DST: variants seen among roughly 807,000 people sequenced by gnomAD.
DST encodes the protein dystonin.
Under a neutral mutation model 875.2 loss-of-function variants are expected in DST, and 253 were observed. The observed-to-expected ratio is 0.29, with a 90% CI of 0.26 to 0.32. DST has a LOEUF of 0.32. Among genes scored for constraint, DST ranks in the 10% least tolerant of loss-of-function variants. DST has a pLI of 1.00. For missense variants in DST, 8,287 were observed against 9,111.6 expected, an observed-to-expected ratio of 0.91 and a Z score of 3.68; for synonymous variants, 3,124 against 3,197.1, an observed-to-expected ratio of 0.98 and a Z score of 0.77.
chr6:56,824,937 G>A (rs1040459777), intron 4 of DST, among the ~76,000 whole-genome samples: 33 of 150,262 alleles, frequency 2.2e-4, no homozygotes, highest in Admixed American at 5.9e-4. Flanking sequence ...GCCTCTGCCC[G>A]GCCGCCCCTA....
At chr6:56,588,406 C>A (rs761206745) in intron 49 of DST, among the ~76,000 whole-genome samples, 8 of 152,176 alleles carry the variant, frequency 5.3e-5, no homozygotes, top group Non-Finnish European at 7.3e-5. Context: ...AGCTGGAAAA[C>A]CTTCCCTAAG....
intron 9 of DST, among the ~76,000 whole-genome samples, chr6:56,687,102 G>T (rs4133076): frequency 0.076 from 11,519 of 152,158 alleles, 1,392 homozygotes; most frequent in African/African-American, 0.26. Context: ...CTGACTTGTG[G>T]GACACACAGT....
chr6:56,565,141 G>C (rs188699901), intron 55 of DST, among the ~76,000 whole-genome samples: 2 of 108,148 alleles, frequency 1.8e-5, no homozygotes, highest in African/African-American at 7.8e-5. Context: ...TTTTTTTTGT[G>C]ACGGAGTATT....
intron 4 of DST, among the ~76,000 whole-genome samples, chr6:56,778,952 T>A (rs1042866980): frequency 1.3e-5 from 2 of 152,050 alleles, no homozygotes; most frequent in African/African-American, 2.4e-5. Context: ...CCCTGAGGAA[T>A]CACCACACTG....
At chr6:56,619,810 A>T (rs755453612) in intron 36 of DST, 3 of 1,614,012 alleles carry the variant, frequency 1.9e-6, no homozygotes, top group Non-Finnish European at 1.7e-6. Context: ...CATCTAGTTT[A>T]TCTTTTAGCA....
chr6:56,744,151 A>G (rs1322128190), intron 4 of DST, among the ~76,000 whole-genome samples: 1 of 147,072 alleles, frequency 6.8e-6, no homozygotes, highest in South Asian at 2.1e-4. Context: ...CTCTGTCTCA[A>G]AAAAAAAAAA....
rs140396340 is a variant in DST, at chr6:56,589,051, C to T, written c.12903+3131G>A. On this transcript the variant is annotated intron_variant, in intron 49 of 103. Transcript: ENST00000680361. The stretch of plus-strand genomic sequence containing the variant: ...GATGAAGTAAGTGAAGGGTACCCTC[C>T]GAAAATTTTTTTTAGATTGTGAGTT... Among the ~76,000 whole-genome samples, 1,009 of 152,196 alleles carry T rather than the reference C, an allele frequency of 6.6e-3. 9 individuals carry two copies. The highest frequency in any genetic ancestry group is 0.023 in the African/African-American group (939 of 41,522).
Position 56,581,146 on chromosome 6 carries a change from T to C in DST, c.12904-2209A>G, listed in dbSNP as rs368737762. 4.2e-4 allele frequency among the ~76,000 whole-genome samples: 62 copies of C among 146,228 alleles called. 1 individual carries two copies. In the South Asian group the frequency reaches 0.014, roughly 33 times the overall value. ...TGATTTCAAAGTGCTTTTGGGACCCTCCTCCAGAAGGAAACAGCAAAAACT... is the reference window on the plus strand; with the variant it reads ...TGATTTCAAAGTGCTTTTGGGACCCCCCTCCAGAAGGAAACAGCAAAAACT... On this transcript the variant is annotated intron_variant, in intron 49 of 103. Coordinates refer to ENST00000680361, the MANE Select transcript of DST (RefSeq NM_001374736.1).
At chr6:56,471,349 G>T (rs2094881596) in intron 94 of DST, 81 bp from the exon 95 acceptor site, 5 of 1,044,074 alleles carry the variant, frequency 4.8e-6, no homozygotes, top group Non-Finnish European at 6.8e-6. Context: ...CTTTTGAAAT[G>T]ATTCTCTAGG....
At position 56,473,882 on chromosome 6, in the gene DST, G is replaced by A. The variant is rs2152403168; in HGVS notation, c.21985C>T (p.Arg7329Ter). 3 of 1,599,162 alleles carry A rather than the reference G, an allele frequency of 1.9e-6. No homozygotes were observed. Among genetic ancestry groups the A allele is most frequent in the Non-Finnish European group, 2.6e-6 (3 of 1,171,714 alleles). Reference sequence around the variant, plus strand: ...ATTGATCACTGCTTACTTCCTGCTCGTCCCTTATCCAAGACTGGAATATGG... The same window carrying A: ...ATTGATCACTGCTTACTTCCTGCTCATCCCTTATCCAAGACTGGAATATGG... ...QSHIPVLDKG[R>*]AGRKRFPASS... The change falls in exon 93 of 104, where the codon CGA (arginine) becomes TGA (stop). Residue 7329 changes from arginine (R) to a stop codon, truncating the protein, a stop_gained. Transcript: ENST00000680361. LOFTEE classifies it high-confidence loss of function.
chr6:56,587,785 C>G (rs1383770451), intron 49 of DST, among the ~76,000 whole-genome samples: 1 of 152,008 alleles, frequency 6.6e-6, no homozygotes, highest in African/African-American at 2.4e-5. Context: ...GAATTTTCAA[C>G]CCAGAATTTC....
intron 5 of DST, among the ~76,000 whole-genome samples, chr6:56,727,000 A>G (rs1207706199): frequency 2.0e-5 from 3 of 152,184 alleles, no homozygotes; most frequent in African/African-American, 7.2e-5. Flanking sequence ...AGAACTGTAA[A>G]AGGAAAATAA....
chr6:56,748,233 G>A (rs568598310), intron 4 of DST, among the ~76,000 whole-genome samples: 1 of 152,206 alleles, frequency 6.6e-6, no homozygotes, highest in East Asian at 1.9e-4. Flanking sequence ...GTATATGGTT[G>A]TATACCCTGT....
At chr6:56,485,539 A>T (rs2095532483) in intron 87 of DST, 68 bp from the exon 88 acceptor site, 2 of 1,471,846 alleles carry the variant, frequency 1.4e-6, no homozygotes, top group Non-Finnish European at 1.9e-6. Flanking sequence ...GAACATCTAA[A>T]ATTAATTGAT....
intron 58 of DST, among the ~76,000 whole-genome samples, 194 bp downstream of exon 58, chr6:56,560,100 T>C (rs182858261): frequency 7.9e-5 from 12 of 152,102 alleles, no homozygotes; most frequent in Admixed American, 2.0e-4. Flanking sequence ...GTGTTTACCA[T>C]AAAAAACATA....
chr6:56,469,793 A>T lies in DST; in HGVS notation c.22551+90T>A, dbSNP rs1050988417. 37 of 1,134,244 alleles carry T rather than the reference A, an allele frequency of 3.3e-5. No individual in the cohort carries two copies. In the Middle Eastern group the frequency reaches 5.9e-4, roughly 18 times the overall value. The allele number at this position is 1,134,244 out of a possible 1,614,324, so 70.3% of individuals were successfully genotyped here. A position where few individuals can be genotyped will look rare whatever the true frequency, so the allele number is the denominator to read the frequency against. ...ACATGAGGTAAAAAAGTAAATAAAT[A>T]AGACTCCTGGAAAACAATGGAGATC... On this transcript the variant is annotated intron_variant, in intron 97 of 103. Coordinates refer to ENST00000680361, the MANE Select transcript of DST (RefSeq NM_001374736.1).
At chr6:56,629,043 T>C (rs754477225) in intron 32 of DST, among the ~76,000 whole-genome samples, 4 of 152,222 alleles carry the variant, frequency 2.6e-5, no homozygotes, top group Non-Finnish European at 4.4e-5. Flanking sequence ...AATACATGAA[T>C]AGTAACAGAG....
chr6:56,638,348 A>G (rs2098845646), intron 22 of DST, among the ~76,000 whole-genome samples: 1 of 152,134 alleles, frequency 6.6e-6, no homozygotes, highest in Non-Finnish European at 1.5e-5. Context: ...TTTCATGTAG[A>G]CACAAAACCG....
At chr6:56,461,462 GGAGT>G (rs2094326662) in intron 102 of DST, 1 of 152,150 alleles carries the variant, frequency 6.6e-6, no homozygotes, top group Non-Finnish European at 1.5e-5. Flanking sequence ...ACAACACGAG[GGAGT>G]GAGAAGCCAC....
Sources: gnomAD v4.1 joint callset for allele counts (sites outside exome capture counted in the v4.1 genomes callset) on GRCh38, gnomAD v4.1.1 for gene constraint, MANE v1.5 for transcripts, NCBI Gene and HGNC (gene_info 2026-07-23, HGNC 2026-07-21) for gene names.